The following PHF21B variants were observed in gnomAD, a reference collection of about 807,000 sequenced individuals.
PHF21B encodes PHD finger protein 4.
Under a neutral mutation model 62.2 loss-of-function variants are expected in PHF21B, and 22 were observed. The ratio of observed to expected loss-of-function variants is 0.35; its 90% CI spans 0.25 to 0.51. PHF21B has a LOEUF of 0.51. Ranked by LOEUF, PHF21B falls within the 20% of genes least tolerant of loss-of-function variation. PHF21B has a pLI of 0.97. For synonymous variants in PHF21B, 341 were observed against 314.7 expected (o/e 1.08, Z -0.88); for missense variants, 701 against 707.9 (o/e 0.99, Z 0.11).
chr22:44,982,549 G>A (rs1013236024), intron 2 of PHF21B, among the ~76,000 whole-genome samples: 1 of 152,150 alleles, frequency 6.6e-6, no homozygotes, highest in Admixed American at 6.6e-5. Flanking sequence ...TGCTCGGCGG[G>A]TCCTAAGCAA....
chr22:44,883,899 T>TAA (rs1252501887), intron 12 of PHF21B, among the ~76,000 whole-genome samples: 1 of 152,100 alleles, frequency 6.6e-6, no homozygotes, highest in Non-Finnish European at 1.5e-5. Context: ...ACACTGCATT[T>TAA]AAAGAGCTTC....
chr22:44,924,033 GAAGA>G (rs1166444925), intron 2 of PHF21B, among the ~76,000 whole-genome samples: 1 of 110,620 alleles, frequency 9.0e-6, no homozygotes, highest in African/African-American at 3.4e-5. Context: ...GAAGAAGAAA[GAAGA>G]AAGAGGAGGA....
chr22:44,964,389 C>T (rs2072483910), intron 2 of PHF21B, among the ~76,000 whole-genome samples: 1 of 152,178 alleles, frequency 6.6e-6, no homozygotes, highest in African/African-American at 2.4e-5. Flanking sequence ...CTGACTCTCG[C>T]ACCCCTGAAC....
At chr22:44,977,159 AAAAT>A (rs766509648) in intron 2 of PHF21B, among the ~76,000 whole-genome samples, 2 of 152,350 alleles carry the variant, frequency 1.3e-5, no homozygotes, top group Admixed American at 6.5e-5. Context: ...AGGAAAAAAT[AAAAT>A]AAATATTCAC....
At chr22:44,968,505 G>A (rs1012405054) in intron 2 of PHF21B, among the ~76,000 whole-genome samples, 2 of 152,056 alleles carry the variant, frequency 1.3e-5, no homozygotes, top group African/African-American at 2.4e-5. Flanking sequence ...GTAGCCGAGC[G>A]TGGTGGCACG....
intron 5 of PHF21B, among the ~76,000 whole-genome samples, chr22:44,909,336 G>A (rs1471064385): frequency 6.6e-6 from 1 of 152,218 alleles, no homozygotes; most frequent in Non-Finnish European, 1.5e-5. Flanking sequence ...AACCCCAAGA[G>A]AGGACAGAAG....
intron 8 of PHF21B, among the ~76,000 whole-genome samples, chr22:44,890,927 T>A (rs1403712885): frequency 1.3e-5 from 2 of 152,138 alleles, no homozygotes; most frequent in Non-Finnish European, 2.9e-5. Context: ...GTGGGCAAGG[T>A]GTGGGCTGAG....
At chr22:44,933,309 CCAT>C (rs1217651527) in intron 2 of PHF21B, among the ~76,000 whole-genome samples, 1 of 152,134 alleles carries the variant, frequency 6.6e-6, no homozygotes, top group African/African-American at 2.4e-5. Flanking sequence ...CAGGGTTTCT[CCAT>C]GTTGGTCAGG....
At chr22:44,981,049 G>A (rs1391019232) in intron 2 of PHF21B, among the ~76,000 whole-genome samples, 1 of 152,166 alleles carries the variant, frequency 6.6e-6, no homozygotes, top group African/African-American at 2.4e-5. Flanking sequence ...CTCTTCTCCG[G>A]AGCTGCTGTC....
At chr22:44,974,069 G>A (rs539642428) in intron 2 of PHF21B, among the ~76,000 whole-genome samples, 3 of 152,282 alleles carry the variant, frequency 2.0e-5, no homozygotes, top group South Asian at 2.1e-4. Flanking sequence ...GCAGACAGGC[G>A]TGACTATCAG....
intron 2 of PHF21B, among the ~76,000 whole-genome samples, chr22:44,969,478 C>A (rs936271741): frequency 6.6e-6 from 1 of 152,100 alleles, no homozygotes; most frequent in Non-Finnish European, 1.5e-5. Context: ...CCAGCCTGGC[C>A]AACATGGTGA....
chr22:44,998,522 G>A lies in PHF21B; in HGVS notation c.120+10023C>T, dbSNP rs563156969. 8.5e-5 allele frequency among the ~76,000 whole-genome samples: 13 copies of A among 152,248 alleles called. No individual in the cohort carries two copies. The South Asian group carries it at 1.0e-3, about 12-fold the overall frequency. On this transcript the variant is annotated intron_variant, in intron 2 of 12. Transcript: ENST00000313237. ...GGGTAAGATGAGGGGCTTGGCCGAG[G>A]TGCTCCCCTTGGTTCTCACATCCTA...
At chr22:44,977,725 C>A (rs2072764105) in intron 2 of PHF21B, among the ~76,000 whole-genome samples, 1 of 151,264 alleles carries the variant, frequency 6.6e-6, no homozygotes, top group African/African-American at 2.4e-5. Context: ...GCTACAGGTG[C>A]ATGCCACCAC....
At chr22:44,910,045 G>A (rs992307682) in intron 5 of PHF21B, among the ~76,000 whole-genome samples, 10 of 152,214 alleles carry the variant, frequency 6.6e-5, no homozygotes, top group African/African-American at 1.9e-4. Flanking sequence ...CCTTTGGCAC[G>A]GAGCCTGGCA....
At chr22:44,918,576 G>T (rs1312140844) in intron 3 of PHF21B, among the ~76,000 whole-genome samples, 4 of 152,214 alleles carry the variant, frequency 2.6e-5, no homozygotes, top group Non-Finnish European at 5.9e-5. Flanking sequence ...CAGTCACCCT[G>T]CCAGGCTGGC....
chr22:44,931,667 T>C (rs991752747), intron 2 of PHF21B, among the ~76,000 whole-genome samples: 1 of 151,564 alleles, frequency 6.6e-6, no homozygotes, highest in Admixed American at 6.6e-5. Flanking sequence ...AAAATGGTTG[T>C]GAGGTCCCCC....
At chr22:44,903,566 G>A (rs114011497) in intron 5 of PHF21B, among the ~76,000 whole-genome samples, 5,283 of 152,238 alleles carry the variant, frequency 0.035, 289 homozygotes, top group African/African-American at 0.12. Context: ...GCTCAGCCAA[G>A]TCTTTTTGCC....
Position 44,895,981 on chromosome 22 carries a change from G to A in PHF21B, c.883+51C>T, listed in dbSNP as rs566783403. 2.5e-6 allele frequency: 4 copies of A among 1,605,664 alleles called. No individual in the cohort carries two copies. The African/African-American group carries it at 4.0e-5, about 16-fold the overall frequency. On this transcript the variant is annotated intron_variant, in intron 6 of 12. Transcript: ENST00000313237. ...ATCACACCTGGCCCCCAACACCCCGGCTTTCGGGTCAGTCCCAGCCCAACC... is the reference window on the plus strand; with the variant it reads ...ATCACACCTGGCCCCCAACACCCCGACTTTCGGGTCAGTCCCAGCCCAACC...
rs561714020 is a variant in PHF21B, at chr22:45,003,796, C to T, written c.120+4749G>A. On this transcript the variant is annotated intron_variant, in intron 2 of 12. Transcript: ENST00000313237. ...GACAGAATGAGTTCTCTCTACAGGG[C>T]GGGAAGTCCTGACATAAAAGCTAGT... Among the ~76,000 whole-genome samples, 6 of 152,278 alleles carry T rather than the reference C, an allele frequency of 3.9e-5. No individual in the cohort carries two copies. The East Asian group carries it at 1.2e-3, about 29-fold the overall frequency.
Sources: allele counts gnomAD v4.1 joint callset (sites outside exome capture counted in the v4.1 genomes callset), GRCh38; gene constraint gnomAD v4.1.1; transcripts MANE v1.5; gene names NCBI Gene and HGNC (gene_info 2026-07-23, HGNC 2026-07-21).